Variants in TMEM132C observed in about 807,000 individuals in gnomAD.
TMEM132C encodes protein phosphatase 1, regulatory subunit 152.
A neutral mutation model predicts 61.4 loss-of-function variants in TMEM132C; 29 were observed. The observed-to-expected ratio is 0.47, with a 90% CI of 0.35 to 0.64. The LOEUF is 0.64. TMEM132C is among the 30% of genes least tolerant of loss of function. TMEM132C has a pLI of 0.00. For missense variants in TMEM132C, 1,408 were observed against 1,476.9 expected, an observed-to-expected ratio of 0.95 and a Z score of 0.76; for synonymous variants, 656 against 633.1, an observed-to-expected ratio of 1.04 and a Z score of -0.54.
At chr12:128,305,608 C>G (rs1007309464) in intron 1 of TMEM132C, among the ~76,000 whole-genome samples, 5 of 151,158 alleles carry the variant, frequency 3.3e-5, no homozygotes, top group Admixed American at 6.6e-5. Context: ...AAACAGTGGG[C>G]ATTAGATGAC....
At chr12:128,636,969 C>T (rs145293563) in intron 4 of TMEM132C, among the ~76,000 whole-genome samples, 7 of 152,224 alleles carry the variant, frequency 4.6e-5, no homozygotes, top group Admixed American at 1.3e-4. Context: ...TAATATTCTA[C>T]TGTGTGTATC....
chr12:128,621,086 A>G (rs1953959114), intron 4 of TMEM132C, among the ~76,000 whole-genome samples: 1 of 152,064 alleles, frequency 6.6e-6, no homozygotes, highest in Non-Finnish European at 1.5e-5. Context: ...TTGCCCTTCC[A>G]GACCCTTCTC....
chr12:128,550,883 G>T (rs766325151), intron 3 of TMEM132C, among the ~76,000 whole-genome samples: 4 of 152,086 alleles, frequency 2.6e-5, no homozygotes, highest in Non-Finnish European at 4.4e-5. Flanking sequence ...CTTCTTCCTG[G>T]GATCCTCTTT....
At chr12:128,661,143 G>A (rs1954385779) in intron 4 of TMEM132C, among the ~76,000 whole-genome samples, 1 of 152,186 alleles carries the variant, frequency 6.6e-6, no homozygotes, top group Non-Finnish European at 1.5e-5. Context: ...ATGAAGGGCA[G>A]CCTGGATCTT....
intron 4 of TMEM132C, among the ~76,000 whole-genome samples, chr12:128,666,604 G>A (rs2135627940): frequency 6.6e-6 from 1 of 152,268 alleles, no homozygotes; most frequent in Non-Finnish European, 1.5e-5. Flanking sequence ...GGATTGCACA[G>A]GAAGTTAATG....
chr12:128,337,496 A>T (rs1221842966), intron 1 of TMEM132C, among the ~76,000 whole-genome samples: 1 of 152,182 alleles, frequency 6.6e-6, no homozygotes, highest in Admixed American at 6.5e-5. Flanking sequence ...CGCAGGTTGG[A>T]ATTCCACCAA....
At chr12:128,295,749 T>C (rs1221886804) in intron 1 of TMEM132C, among the ~76,000 whole-genome samples, 4 of 151,170 alleles carry the variant, frequency 2.6e-5, no homozygotes, top group Non-Finnish European at 5.9e-5. Flanking sequence ...AGTCCAGTCA[T>C]AGATTTCAGT....
intron 1 of TMEM132C, among the ~76,000 whole-genome samples, chr12:128,321,135 GAAAAAT>G (rs760523407): frequency 1.6e-5 from 2 of 128,082 alleles, no homozygotes; most frequent in Middle Eastern, 7.6e-3. Flanking sequence ...TGCCATTTTT[GAAAAAT>G]AATAATAATA....
chr12:128,328,444 G>T (rs553332489), intron 1 of TMEM132C, among the ~76,000 whole-genome samples: 4 of 152,204 alleles, frequency 2.6e-5, no homozygotes, highest in Admixed American at 1.3e-4. Context: ...TAGGGATGGG[G>T]CCCAGTGGTA....
chr12:128,667,276 G>C (rs1041696133), intron 4 of TMEM132C, among the ~76,000 whole-genome samples: 3 of 152,170 alleles, frequency 2.0e-5, no homozygotes, highest in Non-Finnish European at 4.4e-5. Context: ...CAATCCATGA[G>C]GGAATGTACT....
chr12:128,426,068 T>C (rs919196833), intron 2 of TMEM132C, among the ~76,000 whole-genome samples: 1 of 152,200 alleles, frequency 6.6e-6, no homozygotes, highest in East Asian at 1.9e-4. Context: ...TTCTTTTCAA[T>C]TGCCACATGC....
At chr12:128,387,820 A>G (rs1054735857) in intron 1 of TMEM132C, among the ~76,000 whole-genome samples, 2 of 152,174 alleles carry the variant, frequency 1.3e-5, no homozygotes, top group African/African-American at 4.8e-5. Context: ...AAGAAAGACA[A>G]AAATCACGGA....
At chr12:128,422,361 C>T (rs575406589) in intron 2 of TMEM132C, among the ~76,000 whole-genome samples, 5 of 152,198 alleles carry the variant, frequency 3.3e-5, no homozygotes, top group South Asian at 2.1e-4. Flanking sequence ...GAAGAACTTG[C>T]GGGTAGGGGG....
intron 1 of TMEM132C, among the ~76,000 whole-genome samples, chr12:128,343,421 TA>T (rs71449345): frequency 0.86 from 116,808 of 136,586 alleles, 50,700 homozygotes; most frequent in East Asian, 0.97. Context: ...AGACTCAGTC[TA>T]AAAAAAAAAA....
intron 4 of TMEM132C, among the ~76,000 whole-genome samples, chr12:128,658,196 C>T (rs1456241923): frequency 1.4e-5 from 2 of 140,206 alleles, no homozygotes; most frequent in African/African-American, 5.3e-5. Context: ...GGAGCAGGGA[C>T]GCAGCTCCCA....
intron 1 of TMEM132C, among the ~76,000 whole-genome samples, chr12:128,289,342 G>C (rs1871182002): frequency 6.6e-6 from 1 of 152,196 alleles, no homozygotes; most frequent in Admixed American, 6.5e-5. Flanking sequence ...CTAGCCGTTA[G>C]TTTTTAAGAA....
intron 4 of TMEM132C, among the ~76,000 whole-genome samples, chr12:128,622,360 A>AAAAAATATATATATATAT (rs1277080166): frequency 3.3e-5 from 1 of 30,116 alleles, no homozygotes; most frequent in African/African-American, 1.7e-4. Flanking sequence ...AAAAAAAAAA[A>AAAAAATATATATATATAT]ATATATATAT....
chr12:128,693,409 T>G (rs1954733967), intron 5 of TMEM132C, among the ~76,000 whole-genome samples: 1 of 152,218 alleles, frequency 6.6e-6, no homozygotes, highest in Non-Finnish European at 1.5e-5. Context: ...ACTTTTTGAT[T>G]GCAGTCTCAC....
At chr12:128,548,169 A>G (rs1874027930) in intron 3 of TMEM132C, among the ~76,000 whole-genome samples, 1 of 152,224 alleles carries the variant, frequency 6.6e-6, no homozygotes, top group South Asian at 2.1e-4. Flanking sequence ...AAACAGGACC[A>G]TGAATGGGCA....
Sources: allele counts gnomAD v4.1 joint callset (sites outside exome capture counted in the v4.1 genomes callset), GRCh38; gene constraint gnomAD v4.1.1; transcripts MANE v1.5; gene names NCBI Gene and HGNC (gene_info 2026-07-23, HGNC 2026-07-21).